NCKAP5: variants seen among roughly 807,000 people sequenced by gnomAD.
NCKAP5 encodes the protein NCK associated protein 5, also known as nck-associated protein 5.
In NCKAP5, 92 loss-of-function variants were observed where a neutral mutation model predicts 167.0. The ratio of observed to expected loss-of-function variants is 0.55; its 90% CI spans 0.47 to 0.66. The LOEUF (loss-of-function observed/expected upper bound fraction) is 0.66, where lower values mean the gene tolerates loss of function less well. Ranked by LOEUF, NCKAP5 falls within the 30% of genes least tolerant of loss-of-function variation. NCKAP5 has a pLI of 0.00. For synonymous variants in NCKAP5, 891 were observed against 877.4 expected, an observed-to-expected ratio of 1.02 and a Z score of -0.27; for missense variants, 2,378 against 2,315.0, an observed-to-expected ratio of 1.03 and a Z score of -0.56.
At chr2:132,975,198 G>A (rs2149249258) in intron 7 of NCKAP5, among the ~76,000 whole-genome samples, 1 of 152,280 alleles carries the variant, frequency 6.6e-6, no homozygotes, top group African/African-American at 2.4e-5. Context: ...CTACTGTCAG[G>A]CAAAACATAT....
At chr2:133,497,143 A>G (rs954920923) in intron 3 of NCKAP5, among the ~76,000 whole-genome samples, 2 of 152,232 alleles carry the variant, frequency 1.3e-5, no homozygotes, top group Non-Finnish European at 2.9e-5. Context: ...AGCTAAAGCA[A>G]TTGCCAATTT....
intron 4 of NCKAP5, among the ~76,000 whole-genome samples, chr2:133,234,468 C>T (rs914351777): frequency 2.0e-5 from 3 of 152,144 alleles, no homozygotes; most frequent in Admixed American, 6.5e-5. Flanking sequence ...CCTTGAAATA[C>T]GGCAGATCTA....
At chr2:133,280,762 T>C (rs2089907610) in intron 4 of NCKAP5, among the ~76,000 whole-genome samples, 1 of 152,214 alleles carries the variant, frequency 6.6e-6, no homozygotes, top group Non-Finnish European at 1.5e-5. Flanking sequence ...TAGCGCTTTA[T>C]TGGAATAGTT....
chr2:133,557,465 A>G lies in NCKAP5; in HGVS notation c.-62+1585T>C, dbSNP rs180950081. Among the ~76,000 whole-genome samples, 3 of 152,298 alleles carry G rather than the reference A, an allele frequency of 2.0e-5. No homozygotes were observed. In the East Asian group the frequency reaches 5.8e-4, roughly 29 times the overall value. ...CAGCCCTCGCCTGCCCAGGTTTTCT[A>G]TGTATAAAAAGACATATGAACGAAA... is the stretch of plus-strand genomic sequence containing the variant. On this transcript the variant is annotated intron_variant, in intron 2 of 19. Transcript: ENST00000409261.
chr2:133,235,242 C>A (rs774243726), intron 4 of NCKAP5, among the ~76,000 whole-genome samples: 4 of 152,136 alleles, frequency 2.6e-5, no homozygotes, highest in African/African-American at 4.8e-5. Context: ...CCCTTGCAGA[C>A]TTGCACAGAG....
chr2:133,485,995 T>C (rs113900128), intron 3 of NCKAP5, among the ~76,000 whole-genome samples: 4,738 of 152,282 alleles, frequency 0.031, 100 homozygotes, highest in Admixed American at 0.07. Flanking sequence ...TGAATCCCTC[T>C]CCAGTCATGT....
At chr2:132,960,672 T>G (rs569714623) in intron 8 of NCKAP5, among the ~76,000 whole-genome samples, 1 of 152,308 alleles carries the variant, frequency 6.6e-6, no homozygotes, top group Admixed American at 6.5e-5. Flanking sequence ...GGGTGGCAGC[T>G]GGAGGGTGAT....
At chr2:132,737,706 T>G (rs1691649746) in intron 16 of NCKAP5, among the ~76,000 whole-genome samples, 1 of 152,202 alleles carries the variant, frequency 6.6e-6, no homozygotes, top group African/African-American at 2.4e-5. Flanking sequence ...AGGGGTGCTT[T>G]GAGGACTAGA....
At chr2:133,560,769 G>A (rs1688098854) in intron 1 of NCKAP5, among the ~76,000 whole-genome samples, 1 of 152,204 alleles carries the variant, frequency 6.6e-6, no homozygotes, top group South Asian at 2.1e-4. Context: ...TTACTATAGA[G>A]TGAGAAGATT....
intron 1 of NCKAP5, among the ~76,000 whole-genome samples, chr2:133,564,553 G>C (rs1575165172): frequency 6.6e-6 from 1 of 152,056 alleles, no homozygotes; most frequent in Admixed American, 6.5e-5. Context: ...TTTTAAAATG[G>C]GGCTATGCAG....
At chr2:132,989,952 C>T (rs1398929180) in intron 7 of NCKAP5, among the ~76,000 whole-genome samples, 2 of 151,978 alleles carry the variant, frequency 1.3e-5, no homozygotes, top group Non-Finnish European at 1.5e-5. Flanking sequence ...TGTGTAAGTG[C>T]TTTGCAAACT....
chr2:133,124,477 A>C (rs926125911), intron 6 of NCKAP5, among the ~76,000 whole-genome samples: 1 of 152,212 alleles, frequency 6.6e-6, no homozygotes, highest in African/African-American at 2.4e-5. Context: ...CAGAGCTGTG[A>C]CACAATAAAA....
In NCKAP5 at chr2:132,798,721, A is replaced by G. The variant is rs185092679; in HGVS notation, c.808-1992T>C. On this transcript the variant is annotated intron_variant, in intron 11 of 19. Transcript: ENST00000409261. ...TTGAAATAGGGAAGGTCTGCATGGG[A>G]GAAAGGAGAGGTCCTGGGGCAAGGG... Among the ~76,000 whole-genome samples the G allele has an allele frequency of 1.4e-3, 217 of 152,234 alleles. 1 individual carries two copies. The highest frequency in any genetic ancestry group is 5.0e-3 in the African/African-American group (206 of 41,534).
intron 8 of NCKAP5, among the ~76,000 whole-genome samples, chr2:132,947,092 T>C (rs951198187): frequency 6.6e-6 from 1 of 152,226 alleles, no homozygotes; most frequent in Non-Finnish European, 1.5e-5. Flanking sequence ...GTTTCTTATT[T>C]GTCATATGCT....
chr2:133,516,737 C>T (rs374809143), intron 3 of NCKAP5, among the ~76,000 whole-genome samples: 1 of 152,190 alleles, frequency 6.6e-6, no homozygotes, highest in Non-Finnish European at 1.5e-5. Flanking sequence ...GCACAAGGAA[C>T]CAAGCTAAAT....
chr2:133,284,525 A>G (rs985791638), intron 4 of NCKAP5, among the ~76,000 whole-genome samples: 1 of 152,194 alleles, frequency 6.6e-6, no homozygotes, highest in African/African-American at 2.4e-5. Context: ...GCCATGATGC[A>G]CCGTGGCAAT....
chr2:133,259,498 G>A (rs938737823), intron 4 of NCKAP5, among the ~76,000 whole-genome samples: 2 of 152,232 alleles, frequency 1.3e-5, no homozygotes, highest in African/African-American at 4.8e-5. Flanking sequence ...CTATGTCAGT[G>A]TAGCAAGAGG....
At chr2:133,664,421 C>T in the NCKAP5 span, among the ~76,000 whole-genome samples, 1 of 152,204 alleles carries the variant, frequency 6.6e-6, no homozygotes, top group African/African-American at 2.4e-5. Flanking sequence ...GCTTTGACTT[C>T]TCCTCTACAG....
chr2:132,913,118 A>G (rs1694586304), intron 8 of NCKAP5, among the ~76,000 whole-genome samples: 1 of 151,920 alleles, frequency 6.6e-6, no homozygotes, highest in African/African-American at 2.4e-5. Flanking sequence ...CCTTTCAGCT[A>G]TGATATGCCC....
Sources: gnomAD v4.1 joint callset for allele counts (sites outside exome capture counted in the v4.1 genomes callset) on GRCh38, gnomAD v4.1.1 for gene constraint, MANE v1.5 for transcripts, NCBI Gene and HGNC (gene_info 2026-07-23, HGNC 2026-07-21) for gene names.